The following CFAP54 variants were observed in gnomAD, a reference collection of about 807,000 sequenced individuals.
CFAP54 encodes the protein cilia and flagella associated protein 54, also known as cilia- and flagella-associated protein 54.
In CFAP54, 290 loss-of-function variants were observed where a neutral mutation model predicts 370.4. That is an observed-to-expected ratio of 0.78 (90% CI 0.71 to 0.86). CFAP54 has a LOEUF of 0.86. Among genes scored for constraint, CFAP54 ranks in the 40% least tolerant of loss-of-function variants. The probability of loss-of-function intolerance (pLI) is 0.00; values close to 1 mark genes in which losing one functional copy is unlikely to be tolerated. For missense variants in CFAP54, 3,399 were observed against 3,528.7 expected (o/e 0.96, Z 0.93); for synonymous variants, 1,206 against 1,236.5 (o/e 0.98, Z 0.52).
intron 5 of CFAP54, among the ~76,000 whole-genome samples, chr12:96,516,879 G>A (rs1205893007): frequency 2.6e-5 from 4 of 152,132 alleles, no homozygotes; most frequent in African/African-American, 9.7e-5. Context: ...TGATATAAAT[G>A]AGGCTGCAGC....
intron 62 of CFAP54, among the ~76,000 whole-genome samples, chr12:96,788,367 T>G (rs955075595): frequency 2.0e-5 from 3 of 152,218 alleles, no homozygotes; most frequent in African/African-American, 7.2e-5. Flanking sequence ...ACATAGCATA[T>G]TGTAAGCTTC....
chr12:96,497,451 A>G (rs377634110), intron 1 of CFAP54, among the ~76,000 whole-genome samples: 2 of 152,342 alleles, frequency 1.3e-5, no homozygotes, highest in African/African-American at 4.8e-5. Flanking sequence ...CTATGGAACA[A>G]TATACACAGC....
At chr12:96,769,879 C>G (rs749591339) in intron 60 of CFAP54, among the ~76,000 whole-genome samples, 13 of 152,142 alleles carry the variant, frequency 8.5e-5, no homozygotes, top group Non-Finnish European at 1.8e-4. Flanking sequence ...TGGAGCAGAG[C>G]CAAGAATCAC....
chr12:96,535,666 C>A, intron 12 of CFAP54, 66 bp downstream of exon 12: 1 of 1,020,564 alleles, frequency 9.8e-7, no homozygotes, highest in Non-Finnish European at 1.4e-6. Flanking sequence ...AACTTAAGGC[C>A]GAATTTAAAA....
At chr12:96,502,228 A>G (rs1481656880) in intron 2 of CFAP54, among the ~76,000 whole-genome samples, 2 of 152,018 alleles carry the variant, frequency 1.3e-5, no homozygotes, top group African/African-American at 4.8e-5. Context: ...TAATTAAAGG[A>G]ACAAAGAAAA....
At chr12:96,520,313 G>T (rs1955290840) in intron 6 of CFAP54, among the ~76,000 whole-genome samples, 1 of 152,146 alleles carries the variant, frequency 6.6e-6, no homozygotes, top group African/African-American at 2.4e-5. Flanking sequence ...GGAGGCTAAG[G>T]CTGGTGGATC....
At chr12:96,595,320 C>A (rs1192135632) in intron 25 of CFAP54, among the ~76,000 whole-genome samples, 1 of 152,030 alleles carries the variant, frequency 6.6e-6, no homozygotes, top group Non-Finnish European at 1.5e-5. Flanking sequence ...CCCACCCACA[C>A]TCAAGGGGAA....
At chr12:96,764,300 T>G (rs758264286) in intron 59 of CFAP54, 51 bp downstream of exon 59, 1 of 1,393,498 alleles carries the variant, frequency 7.2e-7, no homozygotes, top group Admixed American at 1.8e-5. Context: ...ATCTGTATTC[T>G]CTGCCTTTAA....
chr12:96,493,037 T>C (rs1486101517), intron 1 of CFAP54, among the ~76,000 whole-genome samples: 1 of 151,820 alleles, frequency 6.6e-6, no homozygotes, highest in Non-Finnish European at 1.5e-5. Context: ...TTCTCAGTAA[T>C]TGTGACTATT....
At chr12:96,592,951 T>C (rs929221828) in intron 24 of CFAP54, among the ~76,000 whole-genome samples, 4 of 152,220 alleles carry the variant, frequency 2.6e-5, no homozygotes, top group Non-Finnish European at 5.9e-5. Flanking sequence ...ACAACAATTT[T>C]GCTTTCATAT....
intron 35 of CFAP54, among the ~76,000 whole-genome samples, chr12:96,650,815 A>G (rs1389800792): frequency 1.3e-5 from 2 of 152,172 alleles, no homozygotes; most frequent in Non-Finnish European, 2.9e-5. Context: ...TGCTTTGACC[A>G]TAAGCATCGA....
At chr12:96,716,837 C>T (rs1957686631) in intron 48 of CFAP54, among the ~76,000 whole-genome samples, 2 of 152,130 alleles carry the variant, frequency 1.3e-5, no homozygotes, top group South Asian at 4.1e-4. Flanking sequence ...TATAGCTTGC[C>T]AGGTGCTCAG....
At chr12:96,655,913 G>A (rs1956917581) in intron 36 of CFAP54, among the ~76,000 whole-genome samples, 2 of 151,864 alleles carry the variant, frequency 1.3e-5, no homozygotes, top group Admixed American at 1.3e-4. Flanking sequence ...TTATGTTTTT[G>A]TATAACTAAT....
At chr12:96,613,190 C>G (rs1351979081) in intron 26 of CFAP54, among the ~76,000 whole-genome samples, 4 of 152,156 alleles carry the variant, frequency 2.6e-5, no homozygotes, top group African/African-American at 7.2e-5. Context: ...ACAGAGCAAT[C>G]AAACAAGAAC....
chr12:96,508,091 C>G (rs1955126273), intron 4 of CFAP54, among the ~76,000 whole-genome samples: 1 of 144,206 alleles, frequency 6.9e-6, no homozygotes. Flanking sequence ...GATTCCCTGT[C>G]TTTACTCCTT....
chr12:96,740,800 C>T (rs772124832), intron 51 of CFAP54, among the ~76,000 whole-genome samples: 5 of 152,016 alleles, frequency 3.3e-5, no homozygotes, highest in Non-Finnish European at 5.9e-5. Context: ...TTTTGCCTCC[C>T]GGGGGAAATT....
At chr12:96,524,123 G>T (rs534902765) in intron 8 of CFAP54, among the ~76,000 whole-genome samples, 2 of 152,022 alleles carry the variant, frequency 1.3e-5, no homozygotes, top group Admixed American at 1.3e-4. Flanking sequence ...ACATTTCTGG[G>T]TTTGTATGTA....
chr12:96,550,341 C>T (rs1955681602), intron 15 of CFAP54, among the ~76,000 whole-genome samples: 1 of 152,128 alleles, frequency 6.6e-6, no homozygotes, highest in South Asian at 2.1e-4. Context: ...CTTTGGAAGG[C>T]CGAGGTGGGC....
chr12:96,737,739 C>T (rs1339753384), intron 50 of CFAP54, among the ~76,000 whole-genome samples: 2 of 152,038 alleles, frequency 1.3e-5, no homozygotes, highest in East Asian at 1.9e-4. Flanking sequence ...ATGCCCGCCT[C>T]GGCCTCCCAA....
Sources: allele counts gnomAD v4.1 joint callset (sites outside exome capture counted in the v4.1 genomes callset), GRCh38; gene constraint gnomAD v4.1.1; transcripts MANE v1.5; gene names NCBI Gene and HGNC (gene_info 2026-07-23, HGNC 2026-07-21).